The following GDPGP1 variants were observed in gnomAD, a reference collection of about 807,000 sequenced individuals.
GDPGP1 encodes GDP-D-glucose phosphorylase C15orf58.
Under a neutral mutation model 19.2 loss-of-function variants are expected in GDPGP1, and 18 were observed. The ratio of observed to expected loss-of-function variants is 0.94; its 90% CI spans 0.65 to 1.39. GDPGP1 has a LOEUF of 1.39. Ranked by LOEUF, GDPGP1 falls within the 40% of genes most tolerant of loss-of-function variation. The pLI is 0.00. For synonymous variants in GDPGP1, 219 were observed against 208.9 expected, an observed-to-expected ratio of 1.05 and a Z score of -0.42; for missense variants, 449 against 490.5, an observed-to-expected ratio of 0.92 and a Z score of 0.80.
chr15:90,237,829 G>A (rs1962668244), intron 2 of GDPGP1, among the ~76,000 whole-genome samples: 1 of 152,120 alleles, frequency 6.6e-6, no homozygotes, highest in Non-Finnish European at 1.5e-5. Flanking sequence ...GCAAGTGCCT[G>A]TGGTCCCAGC....
chr15:90,237,057 C>A (rs1196844575), intron 2 of GDPGP1, among the ~76,000 whole-genome samples: 1 of 152,028 alleles, frequency 6.6e-6, no homozygotes. Flanking sequence ...CTCCCAGATT[C>A]AAGCGATTCT....
At chr15:90,234,737 C>G (rs1390835434) in intron 2 of GDPGP1, 141 bp downstream of exon 2, 1 of 152,284 alleles carries the variant, frequency 6.6e-6, no homozygotes, top group Non-Finnish European at 1.5e-5. Flanking sequence ...ATCATTCCAG[C>G]TGACCTGCCG....
intron 2 of GDPGP1, among the ~76,000 whole-genome samples, chr15:90,238,157 G>A (rs1193731104): frequency 6.6e-6 from 1 of 152,068 alleles, no homozygotes; most frequent in Non-Finnish European, 1.5e-5. Context: ...AACATTAGCC[G>A]GGCGTGGTGA....
Position 90,244,138 on chromosome 15 carries a change from A to T in GDPGP1, c.*2072A>T, listed in dbSNP as rs1217443947. The T allele has an allele frequency of 6.6e-6, 1 of 152,156 alleles. No individual in the cohort carries two copies. The highest frequency in any genetic ancestry group is 2.4e-5 in the African/African-American group (1 of 41,410). The allele number at this position is 152,156 out of a possible 1,614,324, so 9.4% of individuals were successfully genotyped here. ...TCAAGGTCAGGCAGCTGGAGTCGGG[A>T]CTGCAGCACAGGCAGGTACCAGAAG... On this transcript the variant is annotated 3_prime_UTR_variant, in exon 4 of 4. Coordinates refer to ENST00000329600, the MANE Select transcript of GDPGP1 (RefSeq NM_001013657.3).
chr15:90,236,405 C>G (rs1233461099), intron 2 of GDPGP1, among the ~76,000 whole-genome samples: 1 of 152,236 alleles, frequency 6.6e-6, no homozygotes, highest in Non-Finnish European at 1.5e-5. Context: ...TGATCTAGAT[C>G]TCTCAGTCAC....
chr15:90,239,337 G>T (rs1962702150), intron 3 of GDPGP1, among the ~76,000 whole-genome samples: 1 of 149,038 alleles, frequency 6.7e-6, no homozygotes, highest in South Asian at 2.1e-4. Flanking sequence ...GTGTGTGTGT[G>T]TGTATTAGTC....
Position 90,241,390 on chromosome 15 carries a change from C to T in GDPGP1, c.482C>T (p.Pro161Leu). The T allele has an allele frequency of 6.2e-7, 1 of 1,613,992 alleles. No homozygotes were observed. Among genetic ancestry groups the T allele is most frequent in the East Asian group, 2.2e-5 (1 of 44,892 alleles). ...ATCCTGGTGGTGATCAACGTCAGCC[C>T]CCTGGAGTGGGGCCACGTGCTGCTG... is the stretch of plus-strand genomic sequence containing the variant. ...EDILVVINVSPLEWGHVLLVP... is the reference protein window; with the variant it reads ...EDILVVINVSLLEWGHVLLVP... The change falls in exon 4 of 4, where the codon CCC becomes CTC. Residue 161 changes from proline (P) to leucine (L), a missense_variant. Transcript: ENST00000329600.
Position 90,241,174 on chromosome 15 carries a change from C to T in GDPGP1, c.266C>T (p.Pro89Leu). 3 of 1,614,206 alleles carry T rather than the reference C, an allele frequency of 1.9e-6. No homozygotes were observed. Among genetic ancestry groups the T allele is most frequent in the Non-Finnish European group, 2.5e-6 (3 of 1,180,040 alleles). ...RLRELQTQILPGAVGFVAQLN... is the reference protein window; with the variant it reads ...RLRELQTQILLGAVGFVAQLN... ...CGGGAGCTACAGACCCAAATCCTCC[C>T]TGGTGCTGTGGGTTTCGTGGCTCAG... Residue 89 changes from proline to leucine, a missense_variant, in exon 4 of 4, where the codon CCT becomes CTT. Transcript: ENST00000329600.
Position 90,241,810 on chromosome 15 carries a change from C to T in GDPGP1, c.902C>T (p.Ser301Leu), listed in dbSNP as rs1361814592. The T allele has an allele frequency of 1.2e-6, 2 of 1,614,118 alleles. No individual in the cohort carries two copies. Among genetic ancestry groups the T allele is most frequent in the Non-Finnish European group, 8.5e-7 (1 of 1,180,048 alleles). ...CGGGGAGCTCCGCCGGGAAAGACAT[C>T]ACCTTCCTCAGCCCTCACAGGGGTC... The part of the protein sequence containing the change: ...VTRGAPPGKT[S>L]PSSALTGVRV... Residue 301 changes from serine to leucine, a missense_variant, in exon 4 of 4, where the codon TCA (serine) becomes TTA (leucine). Coordinates refer to ENST00000329600, the MANE Select transcript of GDPGP1 (RefSeq NM_001013657.3).
chr15:90,235,133 A>G (rs1962605152), intron 2 of GDPGP1, among the ~76,000 whole-genome samples: 1 of 152,042 alleles, frequency 6.6e-6, no homozygotes, highest in African/African-American at 2.4e-5. Flanking sequence ...TCCCTCTTCC[A>G]TCTCATCCTC....
rs1356665663 is a variant in GDPGP1, at chr15:90,245,159, T to C, written c.*3093T>C. ...AGTCTCCCTGTGATAAAGCAGAATA[T>C]GTGTCCATAGCCCATTTTATAAGAA... On this transcript the variant is annotated 3_prime_UTR_variant, in exon 4 of 4. Transcript: ENST00000329600. 2 of 152,240 alleles carry C rather than the reference T, an allele frequency of 1.3e-5. No homozygotes were observed. The highest frequency in any genetic ancestry group is 2.9e-5 in the Non-Finnish European group (2 of 68,058). 9.4% of individuals were successfully genotyped at this position (152,240 alleles called of 1,614,324 possible).
chr15:90,242,215 G>T lies in GDPGP1; in HGVS notation c.*149G>T. 6.5e-6 allele frequency: 3 copies of T among 463,442 alleles called. No homozygotes were observed. The highest frequency in any genetic ancestry group is 4.5e-5 in the East Asian group (1 of 22,444). 28.7% of individuals were successfully genotyped at this position (463,442 alleles called of 1,614,324 possible). ...TGATCCTCCCACCTCAGCCTCTTGA[G>T]TAGCTGAGACTATAGGCGTGCACCA... On this transcript the variant is annotated 3_prime_UTR_variant, in exon 4 of 4. Transcript: ENST00000329600.
chr15:90,239,921 T>C (rs1962714821), intron 3 of GDPGP1, among the ~76,000 whole-genome samples: 1 of 147,778 alleles, frequency 6.8e-6, no homozygotes, highest in African/African-American at 2.5e-5. Flanking sequence ...TGAGAACCTG[T>C]TTCAAAATAA....
At position 90,241,160 on chromosome 15, in the gene GDPGP1, G is replaced by C. The variant is rs760570865; in HGVS notation, c.252G>C (p.Gln84His). The C allele has an allele frequency of 2.5e-6, 4 of 1,614,214 alleles. No individual in the cohort carries two copies. Among genetic ancestry groups the C allele is most frequent in the Non-Finnish European group, 3.4e-6 (4 of 1,180,038 alleles). Reference protein sequence around the residue: ...GLFRYRLRELQTQILPGAVGF... With the variant: ...GLFRYRLRELHTQILPGAVGF... Reference sequence around the variant, plus strand: ...TTCGCTACCGTCTACGGGAGCTACAGACCCAAATCCTCCCTGGTGCTGTGG... The same window carrying C: ...TTCGCTACCGTCTACGGGAGCTACACACCCAAATCCTCCCTGGTGCTGTGG... The change falls in exon 4 of 4, where the codon CAG becomes CAC. Residue 84 changes from glutamine (Q) to histidine (H), a missense_variant. Transcript: ENST00000329600.
intron 2 of GDPGP1, among the ~76,000 whole-genome samples, chr15:90,235,732 T>G (rs1962621483): frequency 6.6e-6 from 1 of 151,908 alleles, no homozygotes; most frequent in Admixed American, 6.6e-5. Context: ...CACACCCGGC[T>G]AATTTTTTTG....
chr15:90,242,567 C>T lies in GDPGP1; in HGVS notation c.*501C>T, dbSNP rs1421015464. 9.7e-6 allele frequency: 1 copy of T among 103,400 alleles called. No individual in the cohort carries two copies. The highest frequency in any genetic ancestry group is 1.8e-5 in the Non-Finnish European group (1 of 55,988). The allele number at this position is 103,400 out of a possible 1,614,324, so 6.4% of individuals were successfully genotyped here. ...GAGTGATCCTCCTGGCTCAGCCTCC[C>T]GAGTAGCTGGGACTATACAGGCTCC... On this transcript the variant is annotated 3_prime_UTR_variant, in exon 4 of 4. Coordinates refer to ENST00000329600, the MANE Select transcript of GDPGP1 (RefSeq NM_001013657.3).
At chr15:90,237,590 C>A (rs752418154) in intron 2 of GDPGP1, among the ~76,000 whole-genome samples, 43 of 152,050 alleles carry the variant, frequency 2.8e-4, no homozygotes, top group Non-Finnish European at 5.6e-4. Context: ...GCACCCAGCC[C>A]CTCATTGTGA....
At chr15:90,236,014 A>G (rs1204254319) in intron 2 of GDPGP1, 2 of 152,076 alleles carry the variant, frequency 1.3e-5, no homozygotes, top group African/African-American at 4.8e-5. Context: ...CAAGGCGAAT[A>G]CCTGGACTGC....
At chr15:90,239,684 G>GA (rs1962709067) in intron 3 of GDPGP1, among the ~76,000 whole-genome samples, 1 of 152,184 alleles carries the variant, frequency 6.6e-6, no homozygotes, top group East Asian at 1.9e-4. Flanking sequence ...AATTTGGGTG[G>GA]AGACATAGCC....
Sources: gnomAD v4.1 joint callset for allele counts (sites outside exome capture counted in the v4.1 genomes callset) on GRCh38, gnomAD v4.1.1 for gene constraint, MANE v1.5 for transcripts, NCBI Gene and HGNC (gene_info 2026-07-23, HGNC 2026-07-21) for gene names.